Variants in CMTR1 observed in about 807,000 individuals in gnomAD.
CMTR1 encodes the protein cap methyltransferase 1.
In CMTR1, 39 loss-of-function variants were observed where a neutral mutation model predicts 107.0. The ratio of observed to expected loss-of-function variants is 0.36; its 90% CI spans 0.28 to 0.48. The LOEUF (loss-of-function observed/expected upper bound fraction) is 0.48. Ranked by LOEUF, CMTR1 falls within the 20% of genes least tolerant of loss-of-function variation. The pLI is 0.99. For synonymous variants in CMTR1, 366 were observed against 379.5 expected, an observed-to-expected ratio of 0.96 and a Z score of 0.41; for missense variants, 672 against 1,064.9, an observed-to-expected ratio of 0.63 and a Z score of 5.14.
chr6:37,447,428 C>G (rs1428428830), intron 4 of CMTR1, among the ~76,000 whole-genome samples: 1 of 152,184 alleles, frequency 6.6e-6, no homozygotes, highest in African/African-American at 2.4e-5. Flanking sequence ...AGGGTAGATA[C>G]CTGCTGCTGG....
In CMTR1 at chr6:37,458,751, A is replaced by T. The variant is rs1188532499; in HGVS notation, c.917A>T (p.Asn306Ile). The T allele has an allele frequency of 6.2e-7, 1 of 1,614,038 alleles. No homozygotes were observed. Among genetic ancestry groups the T allele is most frequent in the African/African-American group, 1.3e-5 (1 of 74,920 alleles). The change falls in exon 9 of 24, where the codon AAT becomes ATT. Residue 306 changes from asparagine (N) to isoleucine (I), a missense_variant. Transcript: ENST00000373451. This position sits in a 1 kb window ranked among gnomAD's most constrained non-coding sequence, Gnocchi z 4.7. ...KGFGMTLKGP[N>I]DFKLEDFYSA... ...TTTGGAATGACTTTGAAGGGCCCTA[A>T]TGACTTCAAGCTGGAGGACTTCTAC...
At chr6:37,424,649 A>G in the CMTR1 span, among the ~76,000 whole-genome samples, 1 of 152,186 alleles carries the variant, frequency 6.6e-6, no homozygotes, top group African/African-American at 2.4e-5. Flanking sequence ...CAAAGTTAAA[A>G]TAATACTGGG....
rs1761403232 is a variant in CMTR1 at position 37,461,539 on chromosome 6, C to T, written c.1096-10C>T. On this transcript the variant is annotated splice_polypyrimidine_tract_variant and intron_variant, in intron 10 of 23. Transcript: ENST00000373451. ...TCTTTCCCACCCCATTCCTTGTGCT[C>T]TCATTTCAGGGTTTCTCGGTGGAGG... is the stretch of plus-strand genomic sequence containing the variant. The T allele has an allele frequency of 8.3e-6, 13 of 1,559,342 alleles. No individual in the cohort carries two copies. The highest frequency in any genetic ancestry group is 1.1e-5 in the Non-Finnish European group (13 of 1,139,880).
chr6:37,450,029 T>C (rs1771897437), intron 4 of CMTR1, among the ~76,000 whole-genome samples: 1 of 152,192 alleles, frequency 6.6e-6, no homozygotes, highest in Non-Finnish European at 1.5e-5. Flanking sequence ...GTTTGAGAAG[T>C]TTCTAAGGAT....
At chr6:37,442,075 T>C (rs1771688278) in intron 2 of CMTR1, among the ~76,000 whole-genome samples, 1 of 152,266 alleles carries the variant, frequency 6.6e-6, no homozygotes, top group African/African-American at 2.4e-5. Context: ...TGTAAAATGT[T>C]GTATCCTTGA....
chr6:37,465,582 A>AT (rs1447025957), intron 13 of CMTR1, among the ~76,000 whole-genome samples: 4 of 152,184 alleles, frequency 2.6e-5, no homozygotes, highest in Non-Finnish European at 5.9e-5. Flanking sequence ...AGTTGCAGGA[A>AT]TTATTTTACA....
intron 8 of CMTR1, among the ~76,000 whole-genome samples, chr6:37,455,359 G>A (rs139468911): frequency 7.9e-5 from 12 of 152,202 alleles, no homozygotes; most frequent in Non-Finnish European, 1.6e-4. Flanking sequence ...GATTGCACGC[G>A]TGAGCTACCG....
chr6:37,431,273 G>A (rs1229230269), upstream of CMTR1, among the ~76,000 whole-genome samples: 2 of 151,714 alleles, frequency 1.3e-5, no homozygotes, highest in African/African-American at 4.8e-5. Flanking sequence ...TTATTATTTT[G>A]AGAATGGGTC....
chr6:37,466,108 G>GTTTTTTTTTTT (rs747910111), intron 13 of CMTR1, among the ~76,000 whole-genome samples: 3 of 127,712 alleles, frequency 2.3e-5, no homozygotes, highest in African/African-American at 5.8e-5. Flanking sequence ...GAGTTTTACA[G>GTTTTTTTTTTT]TTTTTGTTTT....
chr6:37,475,578 T>C (rs2113894859), intron 19 of CMTR1, 166 bp downstream of exon 19: 3 of 634,348 alleles, frequency 4.7e-6, no homozygotes, highest in South Asian at 3.8e-5. Context: ...AGGGTGAGAA[T>C]TGGAGTTGCC....
At chr6:37,438,080 G>T (rs1307882829) in intron 2 of CMTR1, among the ~76,000 whole-genome samples, 1 of 152,164 alleles carries the variant, frequency 6.6e-6, no homozygotes, top group Non-Finnish European at 1.5e-5. Context: ...GCTGTTGTGT[G>T]TGTAGAATGG....
At chr6:37,435,281 T>G (rs1371621826) in intron 1 of CMTR1, among the ~76,000 whole-genome samples, 1 of 152,212 alleles carries the variant, frequency 6.6e-6, no homozygotes, top group East Asian at 1.9e-4. Context: ...GCATGGCCAA[T>G]ATTGCATCAA....
Position 37,476,237 on chromosome 6 carries a change from T to C in CMTR1, c.2105+43T>C, listed in dbSNP as rs777953354. On this transcript the variant is annotated intron_variant, in intron 20 of 23. Coordinates refer to ENST00000373451, the MANE Select transcript of CMTR1 (RefSeq NM_015050.3). ...ACCCTCCATGCTTCTTTCTGGCCAG[T>C]ACCTGCTGCTCCCGTCCAGTGAGGG... The C allele has an allele frequency of 5.4e-6, 8 of 1,483,134 alleles. No homozygotes were observed. The East Asian group carries it at 1.8e-4, about 34-fold the overall frequency. 91.9% of individuals were successfully genotyped at this position (1,483,134 alleles called of 1,614,324 possible). A position where few individuals can be genotyped will look rare whatever the true frequency, so the allele number is the denominator to read the frequency against.
intron 2 of CMTR1, among the ~76,000 whole-genome samples, chr6:37,441,867 C>T (rs1013185575): frequency 8.5e-5 from 13 of 152,110 alleles, no homozygotes; most frequent in African/African-American, 2.9e-4. Context: ...CACTCTGTGA[C>T]GTTTGCCAGA....
At chr6:37,452,514 G>A (rs1184342402) in intron 6 of CMTR1, among the ~76,000 whole-genome samples, 2 of 152,138 alleles carry the variant, frequency 1.3e-5, no homozygotes, top group African/African-American at 4.8e-5. Context: ...CATAGGGTTG[G>A]GAATATCCAT....
At chr6:37,433,878 A>G (rs1370477238) in intron 1 of CMTR1, among the ~76,000 whole-genome samples, 2 of 152,084 alleles carry the variant, frequency 1.3e-5, no homozygotes, top group Non-Finnish European at 2.9e-5. Context: ...GTGGAAGATG[A>G]TAGGGTTGGA....
chr6:37,463,315 T>C (rs902001423), intron 13 of CMTR1, among the ~76,000 whole-genome samples: 13 of 152,134 alleles, frequency 8.5e-5, no homozygotes, highest in African/African-American at 3.1e-4. Flanking sequence ...GCAGGAGTAA[T>C]TTCCCTTTAA....
chr6:37,481,043 T>A lies in CMTR1; in HGVS notation c.*898T>A, dbSNP rs1761844288. 2.3e-6 allele frequency: 3 copies of A among 1,304,086 alleles called. No individual in the cohort carries two copies. Among genetic ancestry groups the A allele is most frequent in the South Asian group, 1.2e-5 (1 of 81,028 alleles). 80.8% of individuals were successfully genotyped at this position (1,304,086 alleles called of 1,614,324 possible). On this transcript the variant is annotated 3_prime_UTR_variant, in exon 24 of 24. Coordinates refer to ENST00000373451, the MANE Select transcript of CMTR1 (RefSeq NM_015050.3). ...ATGCACCGCTGTCTGCCATAGCCGC[T>A]CTAGGGTCTTGGCAGAATTCTGAGC...
chr6:37,437,512 G>A (rs867567033), intron 2 of CMTR1, among the ~76,000 whole-genome samples: 3 of 83,120 alleles, frequency 3.6e-5, no homozygotes, highest in East Asian at 5.0e-4. Context: ...GCAAGAGTCC[G>A]TCTCAAAAAA....
Sources: gnomAD v4.1 joint callset for allele counts (sites outside exome capture counted in the v4.1 genomes callset) on GRCh38, gnomAD v4.1.1 for gene constraint, Gnocchi (gnomAD v3.1) non-coding constraint, MANE v1.5 for transcripts, NCBI Gene and HGNC (gene_info 2026-07-23, HGNC 2026-07-21) for gene names.